Variants in LRRC19 observed in about 807,000 individuals in gnomAD.
LRRC19 encodes the protein leucine rich repeat containing 19.
Under a neutral mutation model 33.3 loss-of-function variants are expected in LRRC19, and 33 were observed. The ratio of observed to expected loss-of-function variants is 0.99; its 90% confidence interval spans 0.75 to 1.33. The LOEUF (loss-of-function observed/expected upper bound fraction) is 1.33, where lower values mean the gene tolerates loss of function less well. Ranked by LOEUF, LRRC19 falls within the 40% of genes most tolerant of loss-of-function variation. The probability of loss-of-function intolerance (pLI) is 0.00; values close to 1 mark genes in which losing one functional copy is unlikely to be tolerated. For missense variants in LRRC19, 463 were observed against 417.3 expected, an observed-to-expected ratio of 1.11 and a Z score of -0.95; for synonymous variants, 184 against 152.3, an observed-to-expected ratio of 1.21 and a Z score of -1.53.
At chr9:26,999,554 T>C (rs949971425) in intron 2 of LRRC19, 60 bp downstream of exon 2, 1 of 1,269,330 alleles carries the variant, frequency 7.9e-7, no homozygotes, top group African/African-American at 1.5e-5. Flanking sequence ...TATATTTTAC[T>C]AAATATACAG....
At chr9:27,005,077 A>G (rs1364332861) in intron 1 of LRRC19, among the ~76,000 whole-genome samples, 3 of 152,314 alleles carry the variant, frequency 2.0e-5, no homozygotes, top group African/African-American at 7.2e-5. Context: ...TATTTAGAGA[A>G]TGATGTTAAT....
intron 3 of LRRC19, among the ~76,000 whole-genome samples, chr9:26,997,418 C>G (rs1828223001): frequency 7.0e-6 from 1 of 143,336 alleles, no homozygotes; most frequent in Admixed American, 7.4e-5. Flanking sequence ...ACTGTAACAT[C>G]TGCCTCCCAG....
intron 1 of LRRC19, among the ~76,000 whole-genome samples, chr9:27,001,881 CA>C (rs1240960228): frequency 2.0e-5 from 3 of 150,788 alleles, no homozygotes; most frequent in Non-Finnish European, 4.4e-5. Context: ...CTTAGAGACA[CA>C]AAAAAATCTT....
At position 26,995,043 on chromosome 9, in the gene LRRC19, A is replaced by T. The variant is rs1828069233; in HGVS notation, c.*478T>A. 1.3e-5 allele frequency: 2 copies of T among 152,278 alleles called. No homozygotes were observed. Among genetic ancestry groups the T allele is most frequent in the Non-Finnish European group, 2.9e-5 (2 of 68,114 alleles). 9.4% of individuals were successfully genotyped at this position (152,278 alleles called of 1,614,324 possible). On this transcript the variant is annotated 3_prime_UTR_variant, in exon 5 of 5. Coordinates refer to ENST00000380055, the MANE Select transcript of LRRC19 (RefSeq NM_022901.3). Reference sequence around the variant, plus strand: ...TTTCAAAAAAATATTTTCCAACTCTATGATTTTATTCTGGGAGCATAAAAT... The same window carrying T: ...TTTCAAAAAAATATTTTCCAACTCTTTGATTTTATTCTGGGAGCATAAAAT...
At position 26,996,333 on chromosome 9, in the gene LRRC19, C is replaced by T. The variant is rs747640085; in HGVS notation, c.762G>A (p.Ser254=). 8.2e-6 allele frequency: 13 copies of T among 1,594,596 alleles called. No homozygotes were observed. The highest frequency in any genetic ancestry group is 4.0e-5 in the African/African-American group (3 of 74,474). Residue 254 remains serine (S), a synonymous_variant, in exon 4 of 5, where the codon TCG becomes TCA. Transcript: ENST00000380055. ...PISNSIFNSS[S]NNLTRNSEHE... is the part of the protein sequence containing the mutation. ...TACCTGAATTTCTTGTTAAGTTGTT[C>T]GAAGAGCTATTAAATATTGAATTGC...
In LRRC19 at chr9:26,995,699, T is replaced by C. The variant is rs1828114474; in HGVS notation, c.935A>G (p.Glu312Gly). Residue 312 changes from glutamate to glycine, a missense_variant, in exon 5 of 5, where the codon GAA (glutamate) becomes GGA (glycine). Coordinates refer to ENST00000380055, the MANE Select transcript of LRRC19 (RefSeq NM_022901.3). ...SYNHHRLEEH[E>G]AETYEDGFTG... ...AAAACCATCTTCATAGGTTTCTGCT[T>C]CATGCTCTTCCAGGCGATGATGATT... The C allele has an allele frequency of 6.2e-7, 1 of 1,613,822 alleles. No individual in the cohort carries two copies. Among genetic ancestry groups the C allele is most frequent in the African/African-American group, 1.3e-5 (1 of 74,914 alleles).
Position 26,993,563 on chromosome 9 carries a change from A to G in LRRC19, c.*1958T>C, listed in dbSNP as rs1827984502. ...TTGTATTGAATTTACTAATTATGTA[A>G]CTTTTAAAATGACTATTCTATAGAT... is the stretch of plus-strand genomic sequence containing the variant. On this transcript the variant is annotated 3_prime_UTR_variant, in exon 5 of 5. Coordinates refer to ENST00000380055, the MANE Select transcript of LRRC19 (RefSeq NM_022901.3). 2.0e-5 allele frequency: 3 copies of G among 152,544 alleles called. No individual in the cohort carries two copies. Among genetic ancestry groups the G allele is most frequent in the African/African-American group, 7.2e-5 (3 of 41,446 alleles). 9.4% of individuals were successfully genotyped at this position (152,544 alleles called of 1,614,324 possible).
At position 26,994,667 on chromosome 9, in the gene LRRC19, A is replaced by G. The variant is rs894664602; in HGVS notation, c.*854T>C. 3 of 152,586 alleles carry G rather than the reference A, an allele frequency of 2.0e-5. No homozygotes were observed. Among genetic ancestry groups the G allele is most frequent in the Non-Finnish European group, 4.4e-5 (3 of 68,038 alleles). The allele number at this position is 152,586 out of a possible 1,614,324, so 9.5% of individuals were successfully genotyped here. A position where few individuals can be genotyped will look rare whatever the true frequency, so the allele number is the denominator to read the frequency against. ...ACTTGTGAATGTCTCTCTGGAAATT[A>G]GTATTCTAGAAAAACAATTTGGGAA... On this transcript the variant is annotated 3_prime_UTR_variant, in exon 5 of 5. Coordinates refer to ENST00000380055, the MANE Select transcript of LRRC19 (RefSeq NM_022901.3).
Position 26,995,279 on chromosome 9 carries a change from G to C in LRRC19, c.*242C>G. On this transcript the variant is annotated 3_prime_UTR_variant, in exon 5 of 5. Transcript: ENST00000380055. ...TAGTTCGTATGGTCACCCAAGCACT[G>C]CTAAGAATAGTAGTGCTAGTATTGT... is the stretch of plus-strand genomic sequence containing the variant. 1 of 352,606 alleles carries C rather than the reference G, an allele frequency of 2.8e-6. No homozygotes were observed. The highest frequency in any genetic ancestry group is 8.3e-4 in the Middle Eastern group (1 of 1,200). The allele number at this position is 352,606 out of a possible 1,614,324, so 21.8% of individuals were successfully genotyped here.
Position 26,997,953 on chromosome 9 carries a change from TTA to T in LRRC19, c.368_369del (p.Leu123GlnfsTer16). ...QQGAFLGLNK[L>X]KQLYLCQNKI... is the part of the protein sequence containing the mutation. ...TTGTTTTGGCAGAGATATAACTGTT[TTA>T]GTTTATTTAAGCCTAAAAATGCACC... is the stretch of plus-strand genomic sequence containing the variant. On this transcript the variant is annotated frameshift_variant, in exon 3 of 5. Transcript: ENST00000380055. LOFTEE classifies it high-confidence loss of function. The T allele has an allele frequency of 6.2e-7, 1 of 1,613,928 alleles. No individual in the cohort carries two copies. The highest frequency in any genetic ancestry group is 1.1e-5 in the South Asian group (1 of 91,052).
At chr9:27,001,942 C>CTT (rs35725614) in intron 1 of LRRC19, among the ~76,000 whole-genome samples, 34 of 145,092 alleles carry the variant, frequency 2.3e-4, no homozygotes, top group Non-Finnish European at 3.0e-4. Context: ...CTTTTTTTCT[C>CTT]TTTTTTTTTT....
rs1587318545 is a variant in LRRC19 at position 26,998,260 on chromosome 9, G to A, written c.82-19C>T. ...GGACTTCCTAGAAAAACAAAAAAAAGAAAGGCATTAATCAGAAAAAAAATT... is the reference window on the plus strand; with the variant it reads ...GGACTTCCTAGAAAAACAAAAAAAAAAAAGGCATTAATCAGAAAAAAAATT... On this transcript the variant is annotated intron_variant, in intron 2 of 4. Coordinates refer to ENST00000380055, the MANE Select transcript of LRRC19 (RefSeq NM_022901.3). The A allele has an allele frequency of 7.5e-7, 1 of 1,339,984 alleles. No individual in the cohort carries two copies. The highest frequency in any genetic ancestry group is 1.0e-6 in the Non-Finnish European group (1 of 1,001,522). 83.0% of individuals were successfully genotyped at this position (1,339,984 alleles called of 1,614,324 possible).
chr9:26,998,349 A>G lies in LRRC19; in HGVS notation c.82-108T>C, dbSNP rs115474338. On this transcript the variant is annotated intron_variant, in intron 2 of 4. Transcript: ENST00000380055. ...CATTAGAAGGACGTTATTTTGGGAAAAAAACCTACTATCTAATATTTTGGT... is the reference window on the plus strand; with the variant it reads ...CATTAGAAGGACGTTATTTTGGGAAGAAAACCTACTATCTAATATTTTGGT... 6.2e-4 allele frequency: 385 copies of G among 624,324 alleles called. No homozygotes were observed. In the African/African-American group the frequency reaches 6.8e-3, roughly 11 times the overall value. The allele number at this position is 624,324 out of a possible 1,614,324, so 38.7% of individuals were successfully genotyped here. A position where few individuals can be genotyped will look rare whatever the true frequency, so the allele number is the denominator to read the frequency against.
intron 1 of LRRC19, among the ~76,000 whole-genome samples, chr9:27,002,473 A>T (rs777740774): frequency 6.6e-6 from 1 of 152,222 alleles, no homozygotes; most frequent in Non-Finnish European, 1.5e-5. Context: ...TGGATATGGC[A>T]AGAGATAGGG....
chr9:27,001,993 G>T (rs1303096134), intron 1 of LRRC19, among the ~76,000 whole-genome samples: 1 of 151,472 alleles, frequency 6.6e-6, no homozygotes, highest in African/African-American at 2.4e-5. Context: ...AGTTCCACAG[G>T]CTGTACAGGA....
intron 3 of LRRC19, among the ~76,000 whole-genome samples, chr9:26,997,443 C>T (rs1374276668): frequency 1.3e-5 from 2 of 150,116 alleles, no homozygotes; most frequent in Non-Finnish European, 2.9e-5. Flanking sequence ...AAGCAATTCT[C>T]CCACCTCAGC....
chr9:27,000,288 G>T (rs1456714116), intron 1 of LRRC19, among the ~76,000 whole-genome samples: 1 of 152,070 alleles, frequency 6.6e-6, no homozygotes, highest in African/African-American at 2.4e-5. Flanking sequence ...CAATTTAAGT[G>T]GTTGTAAATT....
chr9:26,997,786 G>A lies in LRRC19; in HGVS notation c.537C>T (p.Asn179=), dbSNP rs776645748. The A allele has an allele frequency of 6.2e-7, 1 of 1,613,932 alleles. No individual in the cohort carries two copies. Among genetic ancestry groups the A allele is most frequent in the East Asian group, 2.2e-5 (1 of 44,852 alleles). ...ELITLYGNLW[N]CSCSLFNLQN... ...GCAAATTAAATAGACTGCAAGAGCAGTTCCATAGGTTTCCATATAAAGTTA... is the reference window on the plus strand; with the variant it reads ...GCAAATTAAATAGACTGCAAGAGCAATTCCATAGGTTTCCATATAAAGTTA... The change falls in exon 3 of 5, where the codon AAC becomes AAT. Residue 179 remains asparagine (N), a synonymous_variant. Coordinates refer to ENST00000380055, the MANE Select transcript of LRRC19 (RefSeq NM_022901.3).
chr9:26,996,243 A>C (rs1828148934), intron 4 of LRRC19, 68 bp downstream of exon 4: 5 of 913,606 alleles, frequency 5.5e-6, no homozygotes, highest in Non-Finnish European at 7.7e-6. Context: ...TTTAAAATAA[A>C]GATAACTACC....
Sources: gnomAD v4.1 joint callset for allele counts (sites outside exome capture counted in the v4.1 genomes callset) on GRCh38, gnomAD v4.1.1 for gene constraint, MANE v1.5 for transcripts, NCBI Gene and HGNC (gene_info 2026-07-23, HGNC 2026-07-21) for gene names.